The following DUS4L variants were observed in gnomAD, a reference collection of about 807,000 sequenced individuals.
DUS4L encodes dihydrouridine synthase 4 like, also known as tRNA-dihydrouridine(20a/20b) synthase [NAD(P)+]-like.
Under a neutral mutation model 33.8 loss-of-function variants are expected in DUS4L, and 31 were observed. That is an observed-to-expected ratio of 0.92 (90% CI 0.69 to 1.24). The LOEUF (loss-of-function observed/expected upper bound fraction) is 1.24, where lower values mean the gene tolerates loss of function less well. Ranked by LOEUF, DUS4L falls within the 50% of genes most tolerant of loss-of-function variation. The pLI is 0.00. For synonymous variants in DUS4L, 103 were observed against 120.3 expected (o/e 0.86, Z 0.94); for missense variants, 368 against 388.6 (o/e 0.95, Z 0.45).
chr7:107,567,796 CA>C, intron 3 of DUS4L: 2 of 451,312 alleles, frequency 4.4e-6, no homozygotes, highest in South Asian at 3.2e-5. Flanking sequence ...CTCCCCATTC[CA>C]CTGTTCCTCA....
chr7:107,578,469 T>C lies in DUS4L; in HGVS notation c.*909T>C, dbSNP rs983987744. ...GAAAACTGTTATAAGGAAACAATTA[T>C]GTAAAACTGTTTAATTCACGTTTGG... On this transcript the variant is annotated 3_prime_UTR_variant, in exon 8 of 8. Coordinates refer to ENST00000265720, the MANE Select transcript of DUS4L (RefSeq NM_181581.3). 1.6e-4 allele frequency: 24 copies of C among 152,240 alleles called. No individual in the cohort carries two copies. Among genetic ancestry groups the C allele is most frequent in the African/African-American group, 4.3e-4 (18 of 41,462 alleles). 9.4% of individuals were successfully genotyped at this position (152,240 alleles called of 1,614,324 possible).
rs1010113981 is a variant in DUS4L, at chr7:107,573,887, A to C, written c.356+66A>C. The C allele has an allele frequency of 2.1e-6, 3 of 1,414,200 alleles. No individual in the cohort carries two copies. In the African/African-American group the frequency reaches 4.4e-5, roughly 21 times the overall value. 87.6% of individuals were successfully genotyped at this position (1,414,200 alleles called of 1,614,324 possible). ...GAAAAAAAACTGTGTGAACATGGTAAAATATCTTTCTAGTTTTCCAAAAAT... is the reference window on the plus strand; with the variant it reads ...GAAAAAAAACTGTGTGAACATGGTACAATATCTTTCTAGTTTTCCAAAAAT... On this transcript the variant is annotated intron_variant, in intron 5 of 7. Transcript: ENST00000265720.
intron 6 of DUS4L, chr7:107,575,556 T>C (rs1805648872): frequency 3.3e-6 from 1 of 300,672 alleles, no homozygotes; most frequent in East Asian, 7.1e-5. Context: ...CACCAAACTT[T>C]CAACTTTAGC....
In DUS4L at chr7:107,572,842, CA is replaced by C. The variant is rs769843752; in HGVS notation, c.239-847del. On this transcript the variant is annotated intron_variant, in intron 4 of 7. Coordinates refer to ENST00000265720, the MANE Select transcript of DUS4L (RefSeq NM_181581.3). ...CCAGCCTGGGTGACAGACTCTGTCT[CA>C]AAAAAAAAAAAAAATTAAACATTTA... Among the ~76,000 whole-genome samples the C allele has an allele frequency of 6.7e-3, 712 of 106,412 alleles. 2 individuals are homozygous for C. Among genetic ancestry groups the C allele is most frequent in the East Asian group, 0.022 (82 of 3,678 alleles). The allele number at this position is 106,412 out of a possible 152,430, so 69.8% of individuals were successfully genotyped here. A position where few individuals can be genotyped will look rare whatever the true frequency, so the allele number is the denominator to read the frequency against.
chr7:107,576,607 C>G lies in DUS4L; in HGVS notation c.706+15C>G. On this transcript the variant is annotated intron_variant, in intron 7 of 7. Coordinates refer to ENST00000265720, the MANE Select transcript of DUS4L (RefSeq NM_181581.3). ...TGGGACAGATGGTAAGAAATAAGTA[C>G]TTGGGTTCTTTTAATTGGGGGGGGA... 6.7e-7 allele frequency: 1 copy of G among 1,495,524 alleles called. No individual in the cohort carries two copies. 92.6% of individuals were successfully genotyped at this position (1,495,524 alleles called of 1,614,324 possible).
chr7:107,572,437 A>G (rs1034546969), intron 4 of DUS4L, among the ~76,000 whole-genome samples: 7 of 152,250 alleles, frequency 4.6e-5, no homozygotes, highest in Non-Finnish European at 7.3e-5. Context: ...ATCTCATACA[A>G]GTATTCCTCA....
At position 107,577,374 on chromosome 7, in the gene DUS4L, C is replaced by T; in HGVS notation, c.768C>T (p.Thr256=). 6.2e-7 allele frequency: 1 copy of T among 1,614,030 alleles called. No homozygotes were observed. The highest frequency in any genetic ancestry group is 8.5e-7 in the Non-Finnish European group (1 of 1,179,996). The change falls in exon 8 of 8, where the codon ACC becomes ACT. Residue 256 remains threonine (T), a synonymous_variant. Transcript: ENST00000265720. ...NPAMFAGYEE[T]PLKCIWDWVD... ...CCATGTTTGCTGGATATGAGGAAACCCCACTGAAATGCATCTGGGACTGGG... is the reference window on the plus strand; with the variant it reads ...CCATGTTTGCTGGATATGAGGAAACTCCACTGAAATGCATCTGGGACTGGG...
chr7:107,564,355 A>G, intron 1 of DUS4L, 146 bp downstream of exon 1: 2 of 327,778 alleles, frequency 6.1e-6, no homozygotes, highest in Non-Finnish European at 5.8e-6. Context: ...GTCACGCGTT[A>G]GTTGCTACAC....
At chr7:107,565,780 C>T (rs1804614695) in intron 2 of DUS4L, among the ~76,000 whole-genome samples, 1 of 152,156 alleles carries the variant, frequency 6.6e-6, no homozygotes, top group Admixed American at 6.5e-5. Context: ...CCACCTTGGC[C>T]TCCCAAAATG....
intron 3 of DUS4L, among the ~76,000 whole-genome samples, chr7:107,567,415 G>A (rs1804808383): frequency 6.6e-6 from 1 of 151,976 alleles, no homozygotes; most frequent in South Asian, 2.1e-4. Flanking sequence ...AAATGGTGGT[G>A]GTTGTAACTC....
At chr7:107,574,492 C>G (rs1805552860) in intron 5 of DUS4L, among the ~76,000 whole-genome samples, 1 of 151,960 alleles carries the variant, frequency 6.6e-6, no homozygotes, top group Admixed American at 6.6e-5. Flanking sequence ...CCATGCACCA[C>G]CACGCCAGGC....
intron 2 of DUS4L, among the ~76,000 whole-genome samples, chr7:107,565,842 T>C (rs1804622343): frequency 6.6e-6 from 1 of 152,200 alleles, no homozygotes; most frequent in African/African-American, 2.4e-5. Context: ...ATTTATTCTT[T>C]CAGCAAATAA....
Position 107,571,269 on chromosome 7 carries a change from A to G in DUS4L, c.238+3A>G. On this transcript the variant is annotated splice_donor_region_variant and intron_variant, in intron 4 of 7. Coordinates refer to ENST00000265720, the MANE Select transcript of DUS4L (RefSeq NM_181581.3). The stretch of plus-strand genomic sequence containing the variant: ...CAGCGAATTTACCACAAATCAAGGT[A>G]TGTGAAACCGAGTGTACTGACTTTG... The G allele has an allele frequency of 6.2e-7, 1 of 1,607,338 alleles. No individual in the cohort carries two copies. Among genetic ancestry groups the G allele is most frequent in the South Asian group, 1.1e-5 (1 of 89,316 alleles).
rs200681046 is a variant in DUS4L at position 107,567,194 on chromosome 7, T to C, written c.116+8T>C. On this transcript the variant is annotated splice_region_variant and intron_variant, in intron 3 of 7. Transcript: ENST00000265720. ...AATGGTTCGATATTCAAAGTAAGTG[T>C]TGCAAAATGATTAATGAACTAAGAT... is the stretch of plus-strand genomic sequence containing the variant. 3,539 of 1,608,808 alleles carry C rather than the reference T, an allele frequency of 2.2e-3. 9 individuals carry two copies. The highest frequency in any genetic ancestry group is 2.9e-3 in the Non-Finnish European group (3,371 of 1,176,588).
intron 5 of DUS4L, 41 bp downstream of exon 5, chr7:107,573,862 G>GA (rs752257150): frequency 3.3e-5 from 48 of 1,442,340 alleles, no homozygotes; most frequent in Middle Eastern, 1.8e-4. Context: ...CAAAAGAGTA[G>GA]AAAAAAAACT....
At position 107,566,946 on chromosome 7, in the gene DUS4L, A is replaced by C. The variant is rs1804762860; in HGVS notation, c.-21-104A>C. On this transcript the variant is annotated intron_variant, in intron 2 of 7. Transcript: ENST00000265720. ...TATTAATAAAAAAATTTCTGAGCCC[A>C]CAAGCCTGATAAAAAATATATGTTG... The C allele has an allele frequency of 8.6e-6, 7 of 813,078 alleles. No homozygotes were observed. The East Asian group carries it at 1.9e-4, about 22-fold the overall frequency. 50.4% of individuals were successfully genotyped at this position (813,078 alleles called of 1,614,324 possible).
chr7:107,567,636 G>T, intron 3 of DUS4L: 1 of 259,170 alleles, frequency 3.9e-6, no homozygotes. Context: ...TTAGAAGTTT[G>T]TTATAAAATA....
intron 6 of DUS4L, chr7:107,575,511 A>G (rs1805646547): frequency 2.3e-6 from 1 of 442,580 alleles, no homozygotes; most frequent in Admixed American, 4.4e-5. Context: ...TCCTCTTTGT[A>G]CTTTTAACAA....
At chr7:107,566,990 A>G (rs543731772) in intron 2 of DUS4L, 60 bp from the exon 3 acceptor site, 2 of 1,186,540 alleles carry the variant, frequency 1.7e-6, no homozygotes, top group African/African-American at 3.1e-5. Flanking sequence ...TGAAATTGTT[A>G]GAATGGAATT....
Sources: allele counts gnomAD v4.1 joint callset (sites outside exome capture counted in the v4.1 genomes callset), GRCh38; gene constraint gnomAD v4.1.1; transcripts MANE v1.5; gene names NCBI Gene and HGNC (gene_info 2026-07-23, HGNC 2026-07-21).